The following CHRM3 variants were observed in gnomAD, a reference collection of about 807,000 sequenced individuals.
CHRM3 encodes muscarinic acetylcholine receptor M3.
In CHRM3, 11 loss-of-function variants were observed where a neutral mutation model predicts 41.8. The observed-to-expected ratio is 0.26, with a 90% confidence interval of 0.17 to 0.44. The LOEUF is 0.44. CHRM3 is among the 20% of genes least tolerant of loss of function. CHRM3 has a pLI of 1.00. For synonymous variants in CHRM3, 297 were observed against 301.4 expected (o/e 0.99, Z 0.15); for missense variants, 571 against 745.4 (o/e 0.77, Z 2.72).
chr1:239,737,441 A>G (rs1040523008), intron 5 of CHRM3, among the ~76,000 whole-genome samples: 5 of 152,174 alleles, frequency 3.3e-5, no homozygotes, highest in Admixed American at 2.6e-4. Context: ...TTCAGAAAAA[A>G]TAAACACACA....
At chr1:239,731,727 G>A (rs1258957561) in intron 5 of CHRM3, among the ~76,000 whole-genome samples, 1 of 151,724 alleles carries the variant, frequency 6.6e-6, no homozygotes, top group Non-Finnish European at 1.5e-5. Flanking sequence ...TTTTAATTTT[G>A]GTTTAGATTG....
chr1:239,500,646 A>C (rs1474760848), intron 2 of CHRM3, among the ~76,000 whole-genome samples: 5 of 152,086 alleles, frequency 3.3e-5, no homozygotes, highest in Non-Finnish European at 7.4e-5. Context: ...TAAATCCCGA[A>C]AAAAAAGCAT....
At chr1:239,573,164 C>G (rs1333245479) in intron 3 of CHRM3, among the ~76,000 whole-genome samples, 1 of 152,110 alleles carries the variant, frequency 6.6e-6, no homozygotes, top group Non-Finnish European at 1.5e-5. Context: ...TTTTTTTCCC[C>G]CTACCATTTA....
At chr1:239,806,417 T>TACAC (rs5782102) in intron 5 of CHRM3, among the ~76,000 whole-genome samples, 11,992 of 146,078 alleles carry the variant, frequency 0.082, 727 homozygotes, top group African/African-American at 0.17. Context: ...AGGATGGAGT[T>TACAC]ACACACACAC....
chr1:239,596,141 T>C (rs1664748266), intron 3 of CHRM3, among the ~76,000 whole-genome samples: 1 of 152,200 alleles, frequency 6.6e-6, no homozygotes, highest in South Asian at 2.1e-4. Flanking sequence ...TAAATCAATG[T>C]TGAGATAACC....
chr1:239,838,800 A>G (rs1277282000), intron 6 of CHRM3, among the ~76,000 whole-genome samples: 1 of 152,208 alleles, frequency 6.6e-6, no homozygotes, highest in Non-Finnish European at 1.5e-5. Context: ...AGAACATTAG[A>G]ATAGGTAAGG....
chr1:239,691,485 G>A (rs1439648673), intron 5 of CHRM3, among the ~76,000 whole-genome samples: 3 of 151,978 alleles, frequency 2.0e-5, no homozygotes, highest in Non-Finnish European at 2.9e-5. Flanking sequence ...AAGACACATC[G>A]ATAATATAGT....
chr1:239,693,413 C>A (rs192960006), intron 5 of CHRM3, among the ~76,000 whole-genome samples: 186 of 152,200 alleles, frequency 1.2e-3, no homozygotes, highest in South Asian at 3.5e-3. Flanking sequence ...TGGCATTCTG[C>A]AAGCCAAGGA....
chr1:239,729,295 TAA>T (rs1304513736), intron 5 of CHRM3, among the ~76,000 whole-genome samples: 1 of 151,852 alleles, frequency 6.6e-6, no homozygotes, highest in African/African-American at 2.4e-5. Flanking sequence ...GATGTACACA[TAA>T]ATGTCTGTTT....
intron 3 of CHRM3, among the ~76,000 whole-genome samples, chr1:239,577,864 A>T (rs754001056): frequency 6.6e-6 from 1 of 152,110 alleles, no homozygotes; most frequent in Non-Finnish European, 1.5e-5. Flanking sequence ...GCATCCTCTA[A>T]AGTGCCCATG....
At chr1:239,473,658 A>ATCCC (rs1666281733) in intron 1 of CHRM3, among the ~76,000 whole-genome samples, 1 of 152,140 alleles carries the variant, frequency 6.6e-6, no homozygotes, top group Admixed American at 6.5e-5. Context: ...AAGATAGGTA[A>ATCCC]ACTGTGGCGC....
At chr1:239,520,858 T>G (rs950426229) in intron 2 of CHRM3, among the ~76,000 whole-genome samples, 3 of 152,202 alleles carry the variant, frequency 2.0e-5, no homozygotes, top group Non-Finnish European at 4.4e-5. Flanking sequence ...AACTTCAATT[T>G]AAGGCATTTT....
At chr1:239,609,527 G>A (rs1327799729) in intron 3 of CHRM3, among the ~76,000 whole-genome samples, 1 of 152,174 alleles carries the variant, frequency 6.6e-6, no homozygotes, top group Non-Finnish European at 1.5e-5. Context: ...AGAATGTCTG[G>A]TTGTATGGTA....
chr1:239,491,966 A>G (rs979532145), intron 1 of CHRM3, among the ~76,000 whole-genome samples: 3 of 152,170 alleles, frequency 2.0e-5, no homozygotes, highest in African/African-American at 7.2e-5. Context: ...TGGGCCAGAC[A>G]CTAATCCCAG....
At chr1:239,764,691 A>G (rs1249903974) in intron 5 of CHRM3, among the ~76,000 whole-genome samples, 1 of 152,346 alleles carries the variant, frequency 6.6e-6, no homozygotes, top group Non-Finnish European at 1.5e-5. Context: ...CAAATCTCCA[A>G]CTATGGGAAA....
chr1:239,647,149 T>G (rs1671806370), intron 4 of CHRM3, among the ~76,000 whole-genome samples: 1 of 152,196 alleles, frequency 6.6e-6, no homozygotes, highest in African/African-American at 2.4e-5. Flanking sequence ...CTCCATTGAT[T>G]TCAGTCTCAC....
At position 239,704,882 on chromosome 1, in the gene CHRM3, A is replaced by T. The variant is rs1396310540; in HGVS notation, c.-147+26594A>T. ...TCATAAATTCTATAGGCATGCATGG[A>T]AAGGAAAGACACTCCAAATTAAAGA... On this transcript the variant is annotated intron_variant, in intron 5 of 6. Transcript: ENST00000676153. 5.9e-5 allele frequency: 9 copies of T among 152,318 alleles called. No individual in the cohort carries two copies. The East Asian group carries it at 1.5e-3, about 26-fold the overall frequency. The allele number at this position is 152,318 out of a possible 1,614,324, so 9.4% of individuals were successfully genotyped here. A position where few individuals can be genotyped will look rare whatever the true frequency, so the allele number is the denominator to read the frequency against.
At chr1:239,606,378 C>T (rs987938588) in intron 3 of CHRM3, among the ~76,000 whole-genome samples, 4 of 151,922 alleles carry the variant, frequency 2.6e-5, no homozygotes, top group African/African-American at 4.8e-5. Flanking sequence ...TGGGTTCATG[C>T]CATTCTCCTG....
At chr1:239,539,658 C>A (rs1658558667) in intron 2 of CHRM3, among the ~76,000 whole-genome samples, 1 of 152,160 alleles carries the variant, frequency 6.6e-6, no homozygotes, top group Non-Finnish European at 1.5e-5. Flanking sequence ...GAGACAAGAT[C>A]TCACTCTATT....
Sources: allele counts gnomAD v4.1 joint callset (sites outside exome capture counted in the v4.1 genomes callset), GRCh38; gene constraint gnomAD v4.1.1; transcripts MANE v1.5; gene names NCBI Gene and HGNC (gene_info 2026-07-23, HGNC 2026-07-21).